PALD1: variants seen among roughly 807,000 people sequenced by gnomAD.
PALD1 encodes phosphatase domain containing paladin 1.
In PALD1, 57 loss-of-function variants were observed where a neutral mutation model predicts 96.0. The observed-to-expected ratio is 0.59, with a 90% CI of 0.48 to 0.74. The LOEUF is 0.74. PALD1 is among the 30% of genes least tolerant of loss of function. The probability of loss-of-function intolerance (pLI) is 0.00; values close to 1 mark genes in which losing one functional copy is unlikely to be tolerated. For synonymous variants in PALD1, 464 were observed against 473.6 expected (o/e 0.98, Z 0.26); for missense variants, 1,063 against 1,143.7 (o/e 0.93, Z 1.02).
At position 70,564,394 on chromosome 10, in the gene PALD1, C is replaced by A. The variant is rs141653968; in HGVS notation, c.2293C>A (p.Arg765=). Residue 765 remains arginine (R), a synonymous_variant, in exon 19 of 20, where the codon CGG becomes AGG. Coordinates refer to ENST00000263563, the MANE Select transcript of PALD1 (RefSeq NM_014431.3). ...AKAAKEAQEM[R]RLQLRSLQYL... is the part of the protein sequence containing the mutation. Reference sequence around the variant, plus strand: ...GGCAGCGAAAGAGGCGCAAGAAATGCGGAGGCTGCAGCTGCGGAGCCTGCA... The same window carrying A: ...GGCAGCGAAAGAGGCGCAAGAAATGAGGAGGCTGCAGCTGCGGAGCCTGCA... 6.2e-7 allele frequency: 1 copy of A among 1,613,630 alleles called. No individual in the cohort carries two copies.
chr10:70,564,588 C>T (rs1418420838), intron 19 of PALD1, 69 bp downstream of exon 19: 6 of 1,493,144 alleles, frequency 4.0e-6, no homozygotes, highest in Non-Finnish European at 4.6e-6. Context: ...GTCACAGCCA[C>T]TCAGTGCCTG....
intron 1 of PALD1, among the ~76,000 whole-genome samples, chr10:70,485,095 C>T (rs76308569): frequency 0.015 from 2,294 of 152,216 alleles, 69 homozygotes; most frequent in African/African-American, 0.053. Flanking sequence ...GATCATACTT[C>T]ACAAAACCAC....
chr10:70,470,271 A>G, the PALD1 span, among the ~76,000 whole-genome samples: 1 of 152,238 alleles, frequency 6.6e-6, no homozygotes, highest in African/African-American at 2.4e-5. Flanking sequence ...ATGGGTGTAT[A>G]GAATCAATTA....
At chr10:70,491,060 C>T (rs1233270685) in intron 1 of PALD1, among the ~76,000 whole-genome samples, 1 of 152,138 alleles carries the variant, frequency 6.6e-6, no homozygotes, top group Non-Finnish European at 1.5e-5. Flanking sequence ...ATTCTTCTGC[C>T]TCAGCCTCCT....
chr10:70,491,968 C>T (rs931043769), intron 1 of PALD1, among the ~76,000 whole-genome samples: 44 of 152,264 alleles, frequency 2.9e-4, no homozygotes, highest in African/African-American at 1.0e-3. Context: ...ATGGATAGGC[C>T]GCACTTTGTT....
At chr10:70,523,122 C>G (rs554519684) in intron 1 of PALD1, among the ~76,000 whole-genome samples, 62 of 152,380 alleles carry the variant, frequency 4.1e-4, no homozygotes, top group African/African-American at 1.5e-3. Flanking sequence ...ACCCCTGCGG[C>G]CTGCAGCTGT....
In PALD1 at chr10:70,534,839, C is replaced by G; in HGVS notation, c.1223C>G (p.Ala408Gly). Residue 408 changes from alanine to glycine, a missense_variant, in exon 10 of 20, where the codon GCC becomes GGC. Coordinates refer to ENST00000263563, the MANE Select transcript of PALD1 (RefSeq NM_014431.3). ...KLEGIRPESP[A>G]QGSGSRHSVW... ...GAAGGTATCCGACCGGAGAGCCCAG[C>G]CCAGGTGAGGCATGGAAGGACGTGT... 6.2e-7 allele frequency: 1 copy of G among 1,604,186 alleles called. No individual in the cohort carries two copies. The highest frequency in any genetic ancestry group is 8.5e-7 in the Non-Finnish European group (1 of 1,172,470).
chr10:70,489,543 A>G (rs896013222), intron 1 of PALD1, among the ~76,000 whole-genome samples: 2 of 152,158 alleles, frequency 1.3e-5, no homozygotes, highest in African/African-American at 4.8e-5. Flanking sequence ...TCCTGGGCTC[A>G]GGAATCCTGT....
chr10:70,566,416 C>T (rs1564715671), intron 19 of PALD1, among the ~76,000 whole-genome samples, 165 bp from the exon 20 acceptor site: 1 of 152,146 alleles, frequency 6.6e-6, no homozygotes, highest in South Asian at 2.1e-4. Context: ...AGAGTCTTTT[C>T]CTTGCTATGA....
intron 1 of PALD1, among the ~76,000 whole-genome samples, chr10:70,502,837 G>A (rs1462319719): frequency 6.6e-6 from 1 of 152,154 alleles, no homozygotes; most frequent in East Asian, 1.9e-4. Flanking sequence ...GATGGACACT[G>A]CATGGTTTTC....
intron 1 of PALD1, among the ~76,000 whole-genome samples, chr10:70,485,557 G>T (rs1846004903): frequency 6.6e-6 from 1 of 151,970 alleles, no homozygotes; most frequent in Non-Finnish European, 1.5e-5. Context: ...CTACAAGTGT[G>T]CACCACCACA....
At chr10:70,504,789 C>T (rs949443217) in intron 1 of PALD1, among the ~76,000 whole-genome samples, 9 of 152,140 alleles carry the variant, frequency 5.9e-5, no homozygotes, top group African/African-American at 1.2e-4. Flanking sequence ...TGAAGAAAAT[C>T]GGCTTCACCA....
intron 1 of PALD1, among the ~76,000 whole-genome samples, chr10:70,523,759 G>A (rs964002107): frequency 6.6e-6 from 1 of 152,146 alleles, no homozygotes; most frequent in African/African-American, 2.4e-5. Context: ...AGGCGTGAGT[G>A]GGGTTGGGGG....
intron 1 of PALD1, among the ~76,000 whole-genome samples, chr10:70,504,207 C>T (rs544780449): frequency 6.4e-4 from 97 of 152,356 alleles, no homozygotes; most frequent in African/African-American, 2.2e-3. Flanking sequence ...AGCTACCACA[C>T]TGGAAATTGA....
chr10:70,551,815 T>C (rs891113647), intron 18 of PALD1, among the ~76,000 whole-genome samples: 4 of 152,128 alleles, frequency 2.6e-5, no homozygotes, highest in African/African-American at 9.7e-5. Context: ...AGAATGTACA[T>C]GAATCTTCAT....
chr10:70,478,431 T>G (rs1845863559), upstream of PALD1, among the ~76,000 whole-genome samples: 1 of 151,416 alleles, frequency 6.6e-6, no homozygotes, highest in African/African-American at 2.4e-5. Context: ...CGGGACGGGG[T>G]GTGGCGCCCA....
At chr10:70,459,412 C>G in the PALD1 span, among the ~76,000 whole-genome samples, 1 of 152,294 alleles carries the variant, frequency 6.6e-6, no homozygotes, top group Non-Finnish European at 1.5e-5. Flanking sequence ...AAAGCCCCCT[C>G]CCGCGACAGT....
chr10:70,530,124 A>C, intron 4 of PALD1, 56 bp downstream of exon 4: 1 of 1,413,646 alleles, frequency 7.1e-7, no homozygotes, highest in Non-Finnish European at 9.5e-7. Context: ...GGAGAGGGGC[A>C]CCTTGGAGGG....
At chr10:70,482,933 C>G (rs1427640812) in intron 1 of PALD1, among the ~76,000 whole-genome samples, 1 of 152,182 alleles carries the variant, frequency 6.6e-6, no homozygotes, top group Non-Finnish European at 1.5e-5. Context: ...GGCCAGGATG[C>G]TTGCACAGGA....
Sources: allele counts gnomAD v4.1 joint callset (sites outside exome capture counted in the v4.1 genomes callset), GRCh38; gene constraint gnomAD v4.1.1; transcripts MANE v1.5; gene names NCBI Gene and HGNC (gene_info 2026-07-23, HGNC 2026-07-21).